Variants in SPTBN4 observed in about 807,000 individuals in gnomAD.
SPTBN4 encodes the protein spectrin beta, non-erythrocytic 4.
In SPTBN4, 96 loss-of-function variants were observed where a neutral mutation model predicts 277.8. The ratio of observed to expected loss-of-function variants is 0.35; its 90% confidence interval spans 0.29 to 0.41. SPTBN4 has a LOEUF of 0.41. Among genes scored for constraint, SPTBN4 ranks in the 10% least tolerant of loss-of-function variants. The pLI, the probability that SPTBN4 is intolerant of heterozygous loss-of-function variation, is 1.00. For synonymous variants in SPTBN4, 1,481 were observed against 1,580.3 expected, an observed-to-expected ratio of 0.94 and a Z score of 1.49; for missense variants, 3,006 against 3,595.7, an observed-to-expected ratio of 0.84 and a Z score of 4.19.
chr19:40,556,906 C>G (rs866426145), intron 25 of SPTBN4, 117 bp from the exon 26 acceptor site: 1 of 1,316,610 alleles, frequency 7.6e-7, no homozygotes, highest in African/African-American at 1.5e-5. Context: ...CCAACCTGGG[C>G]GACAGAGCAA....
At position 40,502,105 on chromosome 19, in the gene SPTBN4, C is replaced by A; in HGVS notation, c.898-23C>A. 1 of 1,612,884 alleles carries A rather than the reference C, an allele frequency of 6.2e-7. No homozygotes were observed. Among genetic ancestry groups the A allele is most frequent in the Non-Finnish European group, 8.5e-7 (1 of 1,179,538 alleles). ...GCAGGCACGGGTGGGATGAGGCTGA[C>A]CCCCCTTCCTCTGCTGTGTCAGGTC... is the stretch of plus-strand genomic sequence containing the variant. On this transcript the variant is annotated intron_variant, in intron 8 of 35. Transcript: ENST00000598249. This position sits in a 1 kb window ranked among gnomAD's most constrained non-coding sequence, Gnocchi z 4.9.
intron 12 of SPTBN4, among the ~76,000 whole-genome samples, chr19:40,505,750 G>GGAAA (rs1164989767): frequency 6.6e-6 from 1 of 150,612 alleles, no homozygotes; most frequent in African/African-American, 2.5e-5. Flanking sequence ...AAGGAAGGAA[G>GGAAA]GAAGAAAGAA....
intron 16 of SPTBN4, 48 bp downstream of exon 16, chr19:40,520,199 G>T (rs2080511054): frequency 1.5e-6 from 2 of 1,343,316 alleles, no homozygotes; most frequent in South Asian, 4.0e-5. Flanking sequence ...CCGAGGCCGC[G>T]GGGGGATTGC....
intron 20 of SPTBN4, among the ~76,000 whole-genome samples, chr19:40,540,348 G>T (rs73050133): frequency 0.16 from 24,768 of 151,914 alleles, 2,125 homozygotes; most frequent in Non-Finnish European, 0.19. Context: ...TACTTCATTT[G>T]TTTTTGTTCA....
intron 20 of SPTBN4, among the ~76,000 whole-genome samples, chr19:40,542,883 TAATTATGTCTTCATAATTCACA>T (rs1439724363): frequency 1.3e-5 from 2 of 152,046 alleles, no homozygotes; most frequent in Admixed American, 6.6e-5. Flanking sequence ...CGATCTCAGC[TAATTATGTCTTCATAATTCACA>T]AATTATGTCT....
At chr19:40,491,608 G>T (rs1213045846) in intron 4 of SPTBN4, among the ~76,000 whole-genome samples, 1 of 150,816 alleles carries the variant, frequency 6.6e-6, no homozygotes, top group African/African-American at 2.5e-5. Context: ...TGGGCTTCAT[G>T]GTGCACGCCT....
chr19:40,495,025 A>C, intron 6 of SPTBN4, 48 bp downstream of exon 6: 1 of 1,562,706 alleles, frequency 6.4e-7, no homozygotes, highest in Non-Finnish European at 8.8e-7. Context: ...AGCCCCCCAT[A>C]TCCCTGCAGC....
chr19:40,472,850 G>A lies in SPTBN4; in HGVS notation c.169+60G>A, dbSNP rs909599298. 8 of 1,434,218 alleles carry A rather than the reference G, an allele frequency of 5.6e-6. No homozygotes were observed. The South Asian group carries it at 1.1e-4, about 19-fold the overall frequency. 88.8% of individuals were successfully genotyped at this position (1,434,218 alleles called of 1,614,324 possible). A position where few individuals can be genotyped will look rare whatever the true frequency, so the allele number is the denominator to read the frequency against. On this transcript the variant is annotated intron_variant, in intron 2 of 35. Transcript: ENST00000598249. ...AGGGGGAAGGGGGAAGGGTGCCCGA[G>A]AACCTTGGTGGCTGGGAGGGTGGGA...
At position 40,567,956 on chromosome 19, in the gene SPTBN4, A is replaced by G. The variant is rs771034122; in HGVS notation, c.6630A>G (p.Ala2210=). 8 of 1,506,842 alleles carry G rather than the reference A, an allele frequency of 5.3e-6. No homozygotes were observed. The South Asian group carries it at 1.0e-4, about 19-fold the overall frequency. The allele number at this position is 1,506,842 out of a possible 1,614,324, so 93.3% of individuals were successfully genotyped here. ...TGGAGCCCGCGGCCCTGCCGGCCGC[A>G]CCAGAGGACGCGGCGGAGACCCCCG... ...GRVEPAALPA[A]PEDAAETPAT... The change falls in exon 31 of 36, where the codon GCA becomes GCG. Residue 2210 remains alanine, a synonymous_variant. Coordinates refer to ENST00000598249, the MANE Select transcript of SPTBN4 (RefSeq NM_020971.3).
chr19:40,502,877 C>G lies in SPTBN4; in HGVS notation c.1306C>G (p.His436Asp). 1 of 1,613,858 alleles carries G rather than the reference C, an allele frequency of 6.2e-7. No homozygotes were observed. Among genetic ancestry groups the G allele is most frequent in the Non-Finnish European group, 8.5e-7 (1 of 1,180,012 alleles). ...KLELLAQRFD[H>D]KVAMRESWLN... ...GGAACTACTGGCACAGAGGTTTGAC[C>G]ACAAGGTGGCTATGAGGGAGAGCTG... Residue 436 changes from histidine to aspartate, a missense_variant, in exon 11 of 36, where the codon CAC (histidine) becomes GAC (aspartate). Physicochemically the swap from His to Asp is moderately conservative, Grantham distance 81. Coordinates refer to ENST00000598249, the MANE Select transcript of SPTBN4 (RefSeq NM_020971.3). This position sits in a 1 kb window ranked among gnomAD's most constrained non-coding sequence, Gnocchi z 4.9.
rs760037060 is a variant in SPTBN4, at chr19:40,557,005, C to T, written c.5290-18C>T. On this transcript the variant is annotated intron_variant, in intron 25 of 35. Transcript: ENST00000598249. The stretch of plus-strand genomic sequence containing the variant: ...TTGCTCACTTTGCTGTACCCCCCCC[C>T]CCACTTCCTGATGGCAGGTGCTGCA... 9.8e-6 allele frequency: 15 copies of T among 1,528,444 alleles called. No individual in the cohort carries two copies. Among genetic ancestry groups the T allele is most frequent in the Non-Finnish European group, 1.1e-5 (13 of 1,131,702 alleles). 94.7% of individuals were successfully genotyped at this position (1,528,444 alleles called of 1,614,324 possible). A position where few individuals can be genotyped will look rare whatever the true frequency, so the allele number is the denominator to read the frequency against.
chr19:40,550,078 T>C (rs1184198039), intron 21 of SPTBN4, among the ~76,000 whole-genome samples, 160 bp from the exon 22 acceptor site: 2 of 149,962 alleles, frequency 1.3e-5, no homozygotes, highest in Non-Finnish European at 3.0e-5. Context: ...CGATCCCATC[T>C]CAAAGAAAAA....
In SPTBN4 at chr19:40,557,708, A is replaced by G. The variant is rs544007696; in HGVS notation, c.5670+305A>G. Among the ~76,000 whole-genome samples, 614 of 152,246 alleles carry G rather than the reference A, an allele frequency of 4.0e-3. 4 individuals are homozygous for G. Among genetic ancestry groups the G allele is most frequent in the African/African-American group, 0.014 (590 of 41,560 alleles). On this transcript the variant is annotated intron_variant, in intron 26 of 35. Coordinates refer to ENST00000598249, the MANE Select transcript of SPTBN4 (RefSeq NM_020971.3). ...CAACGCAGGCGGATCATCTGAGGTC[A>G]GGAGTTTAAGACCAGCCTGGTCAAC... is the stretch of plus-strand genomic sequence containing the variant.
At chr19:40,574,178 G>T (rs964354272) in intron 35 of SPTBN4, among the ~76,000 whole-genome samples, 1 of 152,154 alleles carries the variant, frequency 6.6e-6, no homozygotes, top group Non-Finnish European at 1.5e-5. Flanking sequence ...TGGGTGGGTA[G>T]CCCAGGCCGC....
At chr19:40,472,503 A>T in intron 1 of SPTBN4, 104 bp from the exon 2 acceptor site, 1 of 1,075,480 alleles carries the variant, frequency 9.3e-7, no homozygotes, top group Non-Finnish European at 1.3e-6. Flanking sequence ...TGTCCACTTT[A>T]AAGACAGAGA....
At chr19:40,548,849 A>G (rs893936435) in intron 20 of SPTBN4, among the ~76,000 whole-genome samples, 2 of 152,166 alleles carry the variant, frequency 1.3e-5, no homozygotes, top group African/African-American at 4.8e-5. Flanking sequence ...GAGACTACCA[A>G]TCTTGAAGGT....
At chr19:40,544,757 C>T (rs984563479) in intron 20 of SPTBN4, among the ~76,000 whole-genome samples, 2 of 151,888 alleles carry the variant, frequency 1.3e-5, no homozygotes, top group African/African-American at 4.8e-5. Context: ...CATGCTTTTT[C>T]TTCTTAACAG....
intron 2 of SPTBN4, among the ~76,000 whole-genome samples, chr19:40,482,427 A>C (rs1045570376): frequency 1.3e-5 from 2 of 152,050 alleles, no homozygotes; most frequent in Non-Finnish European, 2.9e-5. Flanking sequence ...TTGAGAACTG[A>C]AATGCCCACC....
At chr19:40,522,662 C>G (rs1373495396) in intron 16 of SPTBN4, among the ~76,000 whole-genome samples, 1 of 151,832 alleles carries the variant, frequency 6.6e-6, no homozygotes, top group African/African-American at 2.4e-5. Context: ...TAATATTAAC[C>G]AAATATTTAC....
Sources: allele counts gnomAD v4.1 joint callset (sites outside exome capture counted in the v4.1 genomes callset), GRCh38; gene constraint gnomAD v4.1.1; non-coding constraint Gnocchi (gnomAD v3.1); transcripts MANE v1.5; gene names NCBI Gene and HGNC (gene_info 2026-07-23, HGNC 2026-07-21).